Variants in FBRSL1 observed in about 807,000 individuals in gnomAD.
FBRSL1 encodes the protein fibrosin like 1.
In FBRSL1, 51 loss-of-function variants were observed where a neutral mutation model predicts 89.6. That is an observed-to-expected ratio of 0.57 (90% CI 0.45 to 0.72). The LOEUF (loss-of-function observed/expected upper bound fraction) is 0.72, where lower values mean the gene tolerates loss of function less well. FBRSL1 is among the 30% of genes least tolerant of loss of function. FBRSL1 has a pLI of 0.00. For synonymous variants in FBRSL1, 779 were observed against 681.1 expected, an observed-to-expected ratio of 1.14 and a Z score of -2.24; for missense variants, 1,618 against 1,451.8, an observed-to-expected ratio of 1.11 and a Z score of -1.86.
intron 2 of FBRSL1, among the ~76,000 whole-genome samples, chr12:132,518,854 C>T (rs2035092974): frequency 6.6e-6 from 1 of 151,602 alleles, no homozygotes; most frequent in Admixed American, 6.6e-5. Flanking sequence ...ATGCATCCAT[C>T]ATCCACCCAT....
At chr12:132,511,523 G>A (rs2034339363) in intron 2 of FBRSL1, 1 of 985,964 alleles carries the variant, frequency 1.0e-6, no homozygotes, top group Non-Finnish European at 1.2e-6. Context: ...GGGGGTGTTT[G>A]GGGGGGCTTT....
At chr12:132,518,597 T>G (rs545703947) in intron 2 of FBRSL1, among the ~76,000 whole-genome samples, 3 of 149,306 alleles carry the variant, frequency 2.0e-5, no homozygotes, top group African/African-American at 7.5e-5. Context: ...CACCCATCTG[T>G]CCATCCATCC....
intron 1 of FBRSL1, among the ~76,000 whole-genome samples, chr12:132,505,441 G>A (rs1364301665): frequency 2.0e-5 from 3 of 152,130 alleles, no homozygotes; most frequent in East Asian, 3.9e-4. Flanking sequence ...ACTGCCCCCC[G>A]TCTGGCCTGG....
At position 132,505,530 on chromosome 12, in the gene FBRSL1, G is replaced by A. The variant is rs534175168; in HGVS notation, c.292-2623G>A. On this transcript the variant is annotated intron_variant, in intron 1 of 18. Coordinates refer to ENST00000680143, the MANE Select transcript of FBRSL1 (RefSeq NM_001367871.1). ...TCCTCACAGGAGCGGGGGTGACCACGCTGCTGCCTGTCATGGTGGCCTTGG... is the reference window on the plus strand; with the variant it reads ...TCCTCACAGGAGCGGGGGTGACCACACTGCTGCCTGTCATGGTGGCCTTGG... Among the ~76,000 whole-genome samples the A allele has an allele frequency of 3.9e-5, 6 of 152,334 alleles. No individual in the cohort carries two copies. The South Asian group carries it at 6.2e-4, about 16-fold the overall frequency.
intron 9 of FBRSL1, chr12:132,571,548 G>GGGGGCGGGGGCGGGCGT: frequency 1.5e-6 from 2 of 1,350,010 alleles, no homozygotes; most frequent in Non-Finnish European, 1.9e-6. Context: ...CGTGCTGGCA[G>GGGGGCGGGGGCGGGCGT]GGGGCGGGGG....
intron 4 of FBRSL1, among the ~76,000 whole-genome samples, chr12:132,535,244 C>G (rs1262286160): frequency 6.6e-6 from 1 of 152,326 alleles, no homozygotes; most frequent in Non-Finnish European, 1.5e-5. Context: ...ACGGTCGGCT[C>G]CAAGAAAGGT....
chr12:132,551,332 T>C (rs2137399422), intron 5 of FBRSL1: 1 of 445,260 alleles, frequency 2.2e-6, no homozygotes, highest in Non-Finnish European at 4.6e-6. Flanking sequence ...ATGGCCTGGC[T>C]GCTCCCGGTG....
intron 5 of FBRSL1, among the ~76,000 whole-genome samples, chr12:132,562,948 G>A (rs1484163901): frequency 2.0e-5 from 3 of 151,984 alleles, no homozygotes; most frequent in Non-Finnish European, 2.9e-5. Flanking sequence ...CAGATAAGAG[G>A]TGAAACAGGA....
At chr12:132,510,644 A>G (rs1427156767) in intron 2 of FBRSL1, 8 of 1,229,800 alleles carry the variant, frequency 6.5e-6, no homozygotes, top group African/African-American at 1.6e-5. Context: ...GAGCCCCTAC[A>G]GTGCCACGAT....
chr12:132,571,282 G>C (rs1256826284), intron 9 of FBRSL1, 51 bp downstream of exon 9: 1 of 1,507,338 alleles, frequency 6.6e-7, no homozygotes, highest in Non-Finnish European at 9.0e-7. Flanking sequence ...GTGCCTCTCT[G>C]TCTCTCTCTC....
rs536984444 is a variant in FBRSL1, at chr12:132,546,551, G to T, written c.616-1452G>T. Among the ~76,000 whole-genome samples, 638 of 151,690 alleles carry T rather than the reference G, an allele frequency of 4.2e-3. 6 individuals are homozygous for T. The highest frequency in any genetic ancestry group is 4.4e-3 in the Non-Finnish European group (301 of 67,714). On this transcript the variant is annotated intron_variant, in intron 4 of 18. Coordinates refer to ENST00000680143, the MANE Select transcript of FBRSL1 (RefSeq NM_001367871.1). This position sits in a 1 kb window ranked among gnomAD's most constrained non-coding sequence, Gnocchi z 4.0. The stretch of plus-strand genomic sequence containing the variant: ...GGGCTTGGCCACGGCTGAAAGGCCA[G>T]ACCGGGGGGACCCTAGGAGAGGGCT...
chr12:132,571,652 C>T, intron 9 of FBRSL1: 1 of 619,948 alleles, frequency 1.6e-6, no homozygotes, highest in East Asian at 4.3e-5. Flanking sequence ...CGGCACCTCT[C>T]TGTCGTCTGT....
At position 132,572,592 on chromosome 12, in the gene FBRSL1, C is replaced by A; in HGVS notation, c.1500C>A (p.Phe500Leu). 1 of 1,551,084 alleles carries A rather than the reference C, an allele frequency of 6.4e-7. No individual in the cohort carries two copies. Among genetic ancestry groups the A allele is most frequent in the Non-Finnish European group, 8.7e-7 (1 of 1,146,866 alleles). The change falls in exon 11 of 19, where the codon TTC (phenylalanine) becomes TTA (leucine). Residue 500 changes from phenylalanine to leucine, a missense_variant. Phe to Leu is a conservative substitution (Grantham distance 22). Transcript: ENST00000680143. The part of the protein sequence containing the change: ...LPTLLPHPGP[F>L]GSLQGAFQPK... ...CCCTGCTCCCACACCCCGGCCCCTT[C>A]GGGTCCCTGCAGGGCGCTTTTCAGC...
chr12:132,567,207 C>G (rs2039686889), intron 5 of FBRSL1, among the ~76,000 whole-genome samples: 1 of 152,160 alleles, frequency 6.6e-6, no homozygotes, highest in South Asian at 2.1e-4. Flanking sequence ...GGTTCCCGAT[C>G]CCCCCACAAA....
At chr12:132,536,470 G>A (rs2036754333) in intron 4 of FBRSL1, among the ~76,000 whole-genome samples, 2 of 151,754 alleles carry the variant, frequency 1.3e-5, no homozygotes. Context: ...ATGACAGTGT[G>A]TGAATGCACA....
At chr12:132,517,071 C>T (rs1056311596) in intron 2 of FBRSL1, among the ~76,000 whole-genome samples, 7 of 152,232 alleles carry the variant, frequency 4.6e-5, no homozygotes, top group Non-Finnish European at 8.8e-5. Flanking sequence ...ATCTTTGTCC[C>T]GGTTGCCAGG....
At chr12:132,555,918 G>GCCAA (rs1248557737) in intron 5 of FBRSL1, among the ~76,000 whole-genome samples, 1 of 152,188 alleles carries the variant, frequency 6.6e-6, no homozygotes, top group African/African-American at 2.4e-5. Flanking sequence ...AGCCTTCAGG[G>GCCAA]CCGGTTGTGG....
At chr12:132,562,699 G>A (rs558696953) in intron 5 of FBRSL1, among the ~76,000 whole-genome samples, 11 of 152,226 alleles carry the variant, frequency 7.2e-5, no homozygotes, top group Non-Finnish European at 8.8e-5. Flanking sequence ...GCTCCTTTCC[G>A]AGGGGCCCAC....
At chr12:132,533,079 C>G (rs953628837) in intron 4 of FBRSL1, among the ~76,000 whole-genome samples, 3 of 152,134 alleles carry the variant, frequency 2.0e-5, no homozygotes, top group Non-Finnish European at 2.9e-5. Flanking sequence ...CAGAGAGCCA[C>G]GGTCTCCTCC....
Sources: allele counts gnomAD v4.1 joint callset (sites outside exome capture counted in the v4.1 genomes callset), GRCh38; gene constraint gnomAD v4.1.1; non-coding constraint Gnocchi (gnomAD v3.1); transcripts MANE v1.5; gene names NCBI Gene and HGNC (gene_info 2026-07-23, HGNC 2026-07-21).